The following NEB variants were observed in gnomAD, a reference collection of about 807,000 sequenced individuals.
NEB encodes nebulin.
In NEB, 512 loss-of-function variants were observed where a neutral mutation model predicts 952.2. The observed-to-expected ratio is 0.54, with a 90% confidence interval of 0.50 to 0.58. The LOEUF (loss-of-function observed/expected upper bound fraction) is 0.58, where lower values mean the gene tolerates loss of function less well. Among genes scored for constraint, NEB ranks in the 20% least tolerant of loss-of-function variants. The pLI is 0.00. For missense variants in NEB, 8,428 were observed against 9,231.1 expected, an observed-to-expected ratio of 0.91 and a Z score of 3.56; for synonymous variants, 2,900 against 3,149.8, an observed-to-expected ratio of 0.92 and a Z score of 2.66.
chr2:151,725,627 C>G (rs560896756), intron 5 of NEB, 67 bp from the exon 6 acceptor site: 1 of 1,240,226 alleles, frequency 8.1e-7, no homozygotes, highest in African/African-American at 1.5e-5. Context: ...ATACTCACCC[C>G]ATTTGATAAA....
chr2:151,681,938 C>T lies in NEB; in HGVS notation c.2943+724G>A, dbSNP rs146190536. 1.4e-3 allele frequency among the ~76,000 whole-genome samples: 209 copies of T among 152,278 alleles called. 2 individuals are homozygous for T. The highest frequency in any genetic ancestry group is 4.0e-3 in the African/African-American group (168 of 41,548). On this transcript the variant is annotated intron_variant, in intron 29 of 181. Coordinates refer to ENST00000397345, the MANE Select transcript of NEB (RefSeq NM_001164508.2). ...AGAAACCATCCACATATCCCCCAAC[C>T]GGTGAAGCAATAATAACAATGTGGT...
At chr2:151,734,066 T>A (rs570708987) in intron 1 of NEB, among the ~76,000 whole-genome samples, 1 of 152,168 alleles carries the variant, frequency 6.6e-6, no homozygotes, top group African/African-American at 2.4e-5. Flanking sequence ...TGAAGCCCAG[T>A]AGAACAGGAT....
At chr2:151,653,822 T>C (rs2099057883) in intron 52 of NEB, among the ~76,000 whole-genome samples, 170 bp downstream of exon 52, 1 of 152,030 alleles carries the variant, frequency 6.6e-6, no homozygotes, top group African/African-American at 2.4e-5. Context: ...CCTTTTGACA[T>C]ATGAACAGTG....
chr2:151,717,500 G>C lies in NEB; in HGVS notation c.738C>G (p.Leu246=), dbSNP rs368500993. The change falls in exon 10 of 182, where the codon CTC becomes CTG. Residue 246 remains leucine, a synonymous_variant. Coordinates refer to ENST00000397345, the MANE Select transcript of NEB (RefSeq NM_001164508.2). Reference sequence around the variant, plus strand: ...GCGTGAATTGAGCTTGCTGTTCAGCGAGACCTTTTTTGTAGGCAACCTGAT... The same window carrying C: ...GCGTGAATTGAGCTTGCTGTTCAGCCAGACCTTTTTTGTAGGCAACCTGAT... ...ALSDVAYKKG[L]AEQQAQFTPL... 6 of 1,613,714 alleles carry C rather than the reference G, an allele frequency of 3.7e-6. No individual in the cohort carries two copies. The Admixed American group carries it at 5.0e-5, about 13-fold the overall frequency.
chr2:151,617,487 A>AAGAG lies in NEB; in HGVS notation c.11077-23_11077-20dup. ...ATAAGCGCTACAAAAAAAAAAAAAA[A>AAGAG]AGAGAGAGAGAGAGAGAAAAATTAT... is the stretch of plus-strand genomic sequence containing the variant. On this transcript the variant is annotated intron_variant, in intron 74 of 181. Coordinates refer to ENST00000397345, the MANE Select transcript of NEB (RefSeq NM_001164508.2). 7 of 1,034,688 alleles carry AAGAG rather than the reference A, an allele frequency of 6.8e-6. No homozygotes were observed. Among genetic ancestry groups the AAGAG allele is most frequent in the Non-Finnish European group, 8.1e-6 (6 of 737,198 alleles). The allele number at this position is 1,034,688 out of a possible 1,614,324, so 64.1% of individuals were successfully genotyped here.
At chr2:151,721,228 C>T (rs527398884) in intron 9 of NEB, among the ~76,000 whole-genome samples, 1 of 152,256 alleles carries the variant, frequency 6.6e-6, no homozygotes, top group South Asian at 2.1e-4. Context: ...TATCATATTG[C>T]TCATCAAAAT....
rs1184147867 is a variant in NEB at position 151,492,542 on chromosome 2, A to G, written c.24766-48T>C. 2.2e-6 allele frequency: 3 copies of G among 1,388,322 alleles called. No homozygotes were observed. In the African/African-American group the frequency reaches 4.3e-5, roughly 20 times the overall value. 86.0% of individuals were successfully genotyped at this position (1,388,322 alleles called of 1,614,324 possible). ...TGAGTGGTGCTGTCCTAAATCTGAA[A>G]CCTCAAAGCCTTTCCAGCAGATAGA... On this transcript the variant is annotated intron_variant, in intron 176 of 181. Coordinates refer to ENST00000397345, the MANE Select transcript of NEB (RefSeq NM_001164508.2).
chr2:151,502,782 C>T lies in NEB; in HGVS notation c.23928+11G>A. 1.3e-6 allele frequency: 2 copies of T among 1,538,520 alleles called. No individual in the cohort carries two copies. The highest frequency in any genetic ancestry group is 2.3e-5 in the East Asian group (1 of 44,366). On this transcript the variant is annotated intron_variant, in intron 167 of 181. Transcript: ENST00000397345. ...AAGGGATTTTTTTTTTTTTGGCCCC[C>T]TAAGAAATACCGAGCTAAAGTTCTC...
intron 107 of NEB, 83 bp from the exon 108 acceptor site, chr2:151,570,684 G>C: frequency 1.6e-6 from 2 of 1,281,104 alleles, no homozygotes; most frequent in Non-Finnish European, 2.2e-6. Context: ...AATACCACAG[G>C]GGCACAGTTT....
chr2:151,713,344 A>G (rs2099750437), intron 10 of NEB, among the ~76,000 whole-genome samples: 1 of 152,212 alleles, frequency 6.6e-6, no homozygotes, highest in African/African-American at 2.4e-5. Context: ...CAGAAAAGGT[A>G]TAAAGAACCC....
In NEB at chr2:151,612,174, C is replaced by G; in HGVS notation, c.11805+12G>C. On this transcript the variant is annotated intron_variant, in intron 78 of 181. Coordinates refer to ENST00000397345, the MANE Select transcript of NEB (RefSeq NM_001164508.2). ...GTATGATTCTGGCAACAGAAAACAG[C>G]TGGAGACTCACCTTGCTCATTGTCA... The G allele has an allele frequency of 1.9e-6, 3 of 1,610,616 alleles. No homozygotes were observed. The highest frequency in any genetic ancestry group is 2.5e-6 in the Non-Finnish European group (3 of 1,177,402).
chr2:151,526,140 T>C lies in NEB; in HGVS notation c.22050+18A>G. ...TCTCCCAAGAGGGAAGCAGAACTCA[T>C]GGGCGGCTGGGGGTTACCTCAGACA... On this transcript the variant is annotated intron_variant, in intron 149 of 181. Coordinates refer to ENST00000397345, the MANE Select transcript of NEB (RefSeq NM_001164508.2). The C allele has an allele frequency of 3.1e-6, 5 of 1,613,230 alleles. No homozygotes were observed. Among genetic ancestry groups the C allele is most frequent in the Non-Finnish European group, 4.2e-6 (5 of 1,179,164 alleles).
At position 151,576,209 on chromosome 2, in the gene NEB, C is replaced by T. The variant is rs748448253; in HGVS notation, c.16850G>A (p.Ser5617Asn). 1.9e-6 allele frequency: 3 copies of T among 1,611,202 alleles called. No individual in the cohort carries two copies. The South Asian group carries it at 3.3e-5, about 18-fold the overall frequency. The change falls in exon 106 of 182, where the codon AGC becomes AAC. Residue 5617 changes from serine to asparagine, a missense_variant. By Grantham distance (46) the Ser-to-Asn change is conservative. This residue lies in a region of NEB where 3,374 missense variants were observed against 3,651.5 expected (regional missense o/e 0.92). Coordinates refer to ENST00000397345, the MANE Select transcript of NEB (RefSeq NM_001164508.2). ...GACCACTTCAGGTGTGTCAACAATG[C>T]TTGTGTACTTAAGGTTCACCACAGG... ...RTPVVNLKYT[S>N]IVDTPEVVLA...
At chr2:151,646,780 G>A (rs1042521640) in intron 54 of NEB, among the ~76,000 whole-genome samples, 1 of 152,128 alleles carries the variant, frequency 6.6e-6, no homozygotes, top group African/African-American at 2.4e-5. Context: ...CACCTGAGTA[G>A]CTAGGATTAC....
intron 124 of NEB, 63 bp downstream of exon 124, chr2:151,560,522 AGATTCTT>A: frequency 3.5e-6 from 4 of 1,154,192 alleles, no homozygotes; most frequent in Non-Finnish European, 4.9e-6. Flanking sequence ...TCAGCCTGAA[AGATTCTT>A]GGAGTGGAGA....
intron 161 of NEB, among the ~76,000 whole-genome samples, chr2:151,512,019 C>CTTTTTTTTT (rs71403173): frequency 5.3e-5 from 5 of 93,584 alleles, no homozygotes; most frequent in South Asian, 3.7e-4. Context: ...CCCTCTCACT[C>CTTTTTTTTT]TTTTTTTTTT....
At chr2:151,562,915 A>G (rs1374955081) in intron 119 of NEB, 107 bp from the exon 120 acceptor site, 3 of 556,128 alleles carry the variant, frequency 5.4e-6, no homozygotes, top group Non-Finnish European at 9.1e-6. Flanking sequence ...CTCTAGAATA[A>G]ACTAAGGTTA....
chr2:151,675,639 G>A (rs2099353363), intron 34 of NEB, among the ~76,000 whole-genome samples: 3 of 152,090 alleles, frequency 2.0e-5, no homozygotes, highest in African/African-American at 7.2e-5. Flanking sequence ...TGAATGGAAG[G>A]TAAATTCAAC....
intron 141 of NEB, 105 bp from the exon 142 acceptor site, chr2:151,535,900 C>T (rs538739411): frequency 3.0e-4 from 192 of 645,622 alleles, no homozygotes; most frequent in Middle Eastern, 2.0e-3. Context: ...ATTCATAGAA[C>T]TAACACATAT....
Sources: allele counts gnomAD v4.1 joint callset (sites outside exome capture counted in the v4.1 genomes callset), GRCh38; gene constraint gnomAD v4.1.1; regional missense constraint gnomAD v4.1.1; transcripts MANE v1.5; gene names NCBI Gene and HGNC (gene_info 2026-07-23, HGNC 2026-07-21).